Variants in CNTN3 observed in about 807,000 individuals in gnomAD.
The protein encoded by CNTN3 is contactin 3.
In CNTN3, 60 loss-of-function variants were observed where a neutral mutation model predicts 119.1. The ratio of observed to expected loss-of-function variants is 0.50; its 90% CI spans 0.41 to 0.62. CNTN3 has a LOEUF of 0.62. Ranked by LOEUF, CNTN3 falls within the 20% of genes least tolerant of loss-of-function variation. CNTN3 has a pLI of 0.00. For synonymous variants in CNTN3, 450 were observed against 438.7 expected, an observed-to-expected ratio of 1.03 and a Z score of -0.32; for missense variants, 1,101 against 1,242.4, an observed-to-expected ratio of 0.89 and a Z score of 1.71.
intron 4 of CNTN3, among the ~76,000 whole-genome samples, chr3:74,474,618 C>A (rs1702621139): frequency 6.6e-6 from 1 of 152,056 alleles, no homozygotes; most frequent in Non-Finnish European, 1.5e-5. Flanking sequence ...CTCAGCCTCC[C>A]AAGTAGCTGG....
intron 19 of CNTN3, among the ~76,000 whole-genome samples, chr3:74,293,912 T>G (rs1046362971): frequency 6.6e-6 from 1 of 152,208 alleles, no homozygotes; most frequent in Non-Finnish European, 1.5e-5. Context: ...AACTGAGCCC[T>G]AAATTTGACA....
intron 9 of CNTN3, among the ~76,000 whole-genome samples, chr3:74,364,837 C>A (rs944916460): frequency 2.0e-5 from 3 of 152,036 alleles, no homozygotes; most frequent in African/African-American, 7.2e-5. Context: ...AAATAGATAA[C>A]AAAGCAGAGG....
chr3:74,327,795 A>C (rs551090165), intron 13 of CNTN3, among the ~76,000 whole-genome samples: 113 of 152,042 alleles, frequency 7.4e-4, no homozygotes, highest in Non-Finnish European at 1.3e-3. Context: ...TAAATTAATT[A>C]AATTTAAATT....
intron 13 of CNTN3, among the ~76,000 whole-genome samples, chr3:74,333,275 T>C (rs1703309656): frequency 6.6e-6 from 1 of 152,248 alleles, no homozygotes; most frequent in African/African-American, 2.4e-5. Flanking sequence ...CTTCCTAAGG[T>C]TGCCGTAAGG....
chr3:74,524,368 C>T (rs1421171221), intron 1 of CNTN3, among the ~76,000 whole-genome samples: 4 of 151,764 alleles, frequency 2.6e-5, no homozygotes, highest in South Asian at 2.1e-4. Context: ...TCAACTATTG[C>T]GAGTGACACC....
At chr3:74,353,967 C>T (rs1703875558) in intron 11 of CNTN3, among the ~76,000 whole-genome samples, 1 of 152,026 alleles carries the variant, frequency 6.6e-6, no homozygotes, top group Non-Finnish European at 1.5e-5. Context: ...CTCCCAGCCT[C>T]TGGCAAGCAG....
chr3:74,305,508 A>C (rs1323705734), intron 13 of CNTN3, among the ~76,000 whole-genome samples: 1 of 152,204 alleles, frequency 6.6e-6, no homozygotes, highest in East Asian at 1.9e-4. Context: ...ACAACCCTGT[A>C]ACAGTAGAAT....
intron 1 of CNTN3, among the ~76,000 whole-genome samples, chr3:74,568,205 A>C (rs989084810): frequency 6.6e-6 from 1 of 152,368 alleles, no homozygotes; most frequent in Admixed American, 6.5e-5. Flanking sequence ...GAAGGAAAAC[A>C]GGAATATTCT....
chr3:74,380,069 C>T (rs1052296049), intron 5 of CNTN3, among the ~76,000 whole-genome samples: 103 of 152,326 alleles, frequency 6.8e-4, no homozygotes, highest in African/African-American at 2.4e-3. Context: ...ATTCCCAAAA[C>T]GACAGCACTG....
chr3:74,521,865 A>C (rs1463312762), intron 1 of CNTN3, among the ~76,000 whole-genome samples: 1 of 151,802 alleles, frequency 6.6e-6, no homozygotes, highest in Non-Finnish European at 1.5e-5. Flanking sequence ...GCCACTTAAA[A>C]CTAGTTAAGC....
At chr3:74,534,325 C>T (rs754912261) in intron 1 of CNTN3, among the ~76,000 whole-genome samples, 1 of 152,012 alleles carries the variant, frequency 6.6e-6, no homozygotes, top group Non-Finnish European at 1.5e-5. Flanking sequence ...TCTACAGCGC[C>T]ACTCACCCTC....
chr3:74,322,014 C>T (rs1306016151), intron 13 of CNTN3, among the ~76,000 whole-genome samples: 8 of 151,760 alleles, frequency 5.3e-5, no homozygotes, highest in Admixed American at 1.3e-4. Context: ...GGTGAAACCC[C>T]GTCTCCACTA....
Position 74,573,045 on chromosome 3 carries a change from C to G in CNTN3, c.-81+41346G>C, listed in dbSNP as rs192839533. 4.4e-3 allele frequency among the ~76,000 whole-genome samples: 674 copies of G among 152,304 alleles called. 1 individual carries two copies. Among genetic ancestry groups the G allele is most frequent in the Non-Finnish European group, 7.6e-3 (514 of 68,022 alleles). On this transcript the variant is annotated intron_variant, in intron 1 of 22. Coordinates refer to ENST00000263665, the MANE Select transcript of CNTN3 (RefSeq NM_020872.3). ...TTACCAGGGCATTTGAGGCAAGCCT[C>G]GGAGAGTAGATTCCCACAAGGCACG...
chr3:74,351,269 C>T (rs1026994324), intron 11 of CNTN3, among the ~76,000 whole-genome samples: 1 of 152,180 alleles, frequency 6.6e-6, no homozygotes, highest in African/African-American at 2.4e-5. Flanking sequence ...AGAAACGGGG[C>T]AGCGACAAAG....
At chr3:74,543,466 T>C (rs1703870142) in intron 1 of CNTN3, among the ~76,000 whole-genome samples, 1 of 152,150 alleles carries the variant, frequency 6.6e-6, no homozygotes, top group South Asian at 2.1e-4. Context: ...GAATGTACTC[T>C]TAGATCCAAA....
intron 13 of CNTN3, among the ~76,000 whole-genome samples, chr3:74,330,919 C>A (rs1279549968): frequency 6.6e-6 from 1 of 151,998 alleles, no homozygotes. Context: ...TTTTGTATAG[C>A]TGTACAATGT....
intron 1 of CNTN3, among the ~76,000 whole-genome samples, chr3:74,588,109 T>C (rs575337773): frequency 6.6e-6 from 1 of 152,240 alleles, no homozygotes; most frequent in Admixed American, 6.6e-5. Context: ...TTGATTTGTG[T>C]ATATTGCATC....
At chr3:74,362,688 T>C (rs1575660889) in intron 10 of CNTN3, among the ~76,000 whole-genome samples, 1 of 152,102 alleles carries the variant, frequency 6.6e-6, no homozygotes, top group Non-Finnish European at 1.5e-5. Flanking sequence ...CATAATATTG[T>C]ATCATTGGAA....
At position 74,264,376 on chromosome 3, in the gene CNTN3, A is replaced by G. The variant is rs770518281; in HGVS notation, c.*25T>C. On this transcript the variant is annotated 3_prime_UTR_variant, in exon 23 of 23. Coordinates refer to ENST00000263665, the MANE Select transcript of CNTN3 (RefSeq NM_020872.3). ...TTTTTTGGTAACCAAATAACTTTCC[A>G]ATAAATAATAAAAAGGAGTTAATAT... 7.6e-7 allele frequency: 1 copy of G among 1,322,966 alleles called. No individual in the cohort carries two copies. Among genetic ancestry groups the G allele is most frequent in the East Asian group, 2.7e-5 (1 of 37,616 alleles). The allele number at this position is 1,322,966 out of a possible 1,614,324, so 82.0% of individuals were successfully genotyped here. A position where few individuals can be genotyped will look rare whatever the true frequency, so the allele number is the denominator to read the frequency against.
Sources: allele counts gnomAD v4.1 joint callset (sites outside exome capture counted in the v4.1 genomes callset), GRCh38; gene constraint gnomAD v4.1.1; transcripts MANE v1.5; gene names NCBI Gene and HGNC (gene_info 2026-07-23, HGNC 2026-07-21).